WDR72: variants seen among roughly 807,000 people sequenced by gnomAD.
WDR72 encodes WD repeat domain 72, also known as WD repeat-containing protein 72.
WDR72 carries 120 observed loss-of-function variants against 124.2 expected under a neutral mutation model. The ratio of observed to expected loss-of-function variants is 0.97; its 90% confidence interval spans 0.83 to 1.12. The LOEUF (loss-of-function observed/expected upper bound fraction) is 1.12. Among genes scored for constraint, WDR72 ranks in the 50% most tolerant of loss-of-function variants. The probability of loss-of-function intolerance (pLI) is 0.00; values close to 1 mark genes in which losing one functional copy is unlikely to be tolerated. For synonymous variants in WDR72, 452 were observed against 441.7 expected, an observed-to-expected ratio of 1.02 and a Z score of -0.29; for missense variants, 1,387 against 1,278.8, an observed-to-expected ratio of 1.08 and a Z score of -1.29.
intron 14 of WDR72, 115 bp downstream of exon 14, chr15:53,665,456 AG>A: frequency 9.0e-7 from 1 of 1,105,572 alleles, no homozygotes; most frequent in East Asian, 2.5e-5. Context: ...TAGATGCAGC[AG>A]TCTCTTAGTT....
At chr15:53,755,566 G>A (rs1350449650) in intron 1 of WDR72, among the ~76,000 whole-genome samples, 22 of 152,230 alleles carry the variant, frequency 1.4e-4, no homozygotes, top group Admixed American at 1.4e-3. Flanking sequence ...TGTTTTAACA[G>A]TGGTTTGGGA....
intron 13 of WDR72, among the ~76,000 whole-genome samples, chr15:53,667,943 T>C (rs2015836231): frequency 6.6e-6 from 1 of 152,224 alleles, no homozygotes; most frequent in Admixed American, 6.5e-5. Context: ...TTTTCATTCA[T>C]ACACAGATAA....
At chr15:53,619,799 T>G (rs2013916537) in intron 14 of WDR72, among the ~76,000 whole-genome samples, 1 of 152,094 alleles carries the variant, frequency 6.6e-6, no homozygotes, top group African/African-American at 2.4e-5. Context: ...GCTTTTTACC[T>G]CTAAGAATTT....
Position 53,665,624 on chromosome 15 carries a change from T to C in WDR72, c.1910A>G (p.Tyr637Cys). 1 of 1,613,904 alleles carries C rather than the reference T, an allele frequency of 6.2e-7. No individual in the cohort carries two copies. Among genetic ancestry groups the C allele is most frequent in the East Asian group, 2.2e-5 (1 of 44,876 alleles). Reference sequence around the variant, plus strand: ...AGGGCAAGGTAATGGCCCAAGCTGGTAGGGGCTGGAGGATCTCTGTTCTAT... The same window carrying C: ...AGGGCAAGGTAATGGCCCAAGCTGGCAGGGGCTGGAGGATCTCTGTTCTAT... ...KSIEQRSSSP[Y>C]QLGPLPCPGL... is the part of the protein sequence containing the mutation. The change falls in exon 14 of 20, where the codon TAC becomes TGC. Residue 637 changes from tyrosine (Y) to cysteine (C), a missense_variant. Tyr to Cys is a radical substitution (Grantham distance 194, BLOSUM62 -2). Coordinates refer to ENST00000360509, the MANE Select transcript of WDR72 (RefSeq NM_182758.4).
chr15:53,602,026 A>G (rs879513466), intron 17 of WDR72, among the ~76,000 whole-genome samples: 1 of 152,160 alleles, frequency 6.6e-6, no homozygotes, highest in Non-Finnish European at 1.5e-5. Flanking sequence ...CCCAAAAACA[A>G]CAGATTATAC....
intron 18 of WDR72, among the ~76,000 whole-genome samples, chr15:53,585,508 C>T (rs1906432): frequency 2.0e-5 from 3 of 151,928 alleles, no homozygotes; most frequent in East Asian, 2.0e-4. Context: ...CATATAATTG[C>T]GCTATTGGGT....
At chr15:53,673,518 AAC>A (rs2016064325) in intron 13 of WDR72, among the ~76,000 whole-genome samples, 1 of 152,240 alleles carries the variant, frequency 6.6e-6, no homozygotes, top group South Asian at 2.1e-4. Flanking sequence ...TCCAAAGAAG[AAC>A]AGTGTAGAAA....
At chr15:53,681,055 G>T (rs1250028980) in intron 13 of WDR72, among the ~76,000 whole-genome samples, 1 of 152,204 alleles carries the variant, frequency 6.6e-6, no homozygotes, top group South Asian at 2.1e-4. Context: ...AAACACAAAA[G>T]ACCTTTCCCA....
intron 14 of WDR72, among the ~76,000 whole-genome samples, chr15:53,641,291 T>C (rs1340651807): frequency 6.6e-6 from 1 of 152,012 alleles, no homozygotes; most frequent in Non-Finnish European, 1.5e-5. Context: ...ATCTTTTTTT[T>C]CCCCATTTAT....
intron 3 of WDR72, among the ~76,000 whole-genome samples, chr15:53,721,523 G>A (rs2017876158): frequency 1.3e-5 from 2 of 152,048 alleles, no homozygotes; most frequent in Non-Finnish European, 2.9e-5. Context: ...AATGTATTAG[G>A]ACATTTCACT....
At chr15:53,623,554 A>C (rs2140381185) in intron 14 of WDR72, among the ~76,000 whole-genome samples, 1 of 152,098 alleles carries the variant, frequency 6.6e-6, no homozygotes, top group South Asian at 2.1e-4. Context: ...TATCCAATCC[A>C]TTGTTGATGC....
At chr15:53,744,195 G>C (rs1322291298) in intron 1 of WDR72, among the ~76,000 whole-genome samples, 3 of 152,146 alleles carry the variant, frequency 2.0e-5, no homozygotes, top group South Asian at 4.1e-4. Flanking sequence ...AATGAGCTAT[G>C]AAGAGTTTAT....
At chr15:53,532,330 A>G (rs1892527019) in intron 18 of WDR72, among the ~76,000 whole-genome samples, 1 of 152,146 alleles carries the variant, frequency 6.6e-6, no homozygotes, top group Admixed American at 6.6e-5. Context: ...TGTCAAAGGG[A>G]TATCTGTATT....
At chr15:53,725,197 T>C (rs1295784930) in intron 2 of WDR72, among the ~76,000 whole-genome samples, 1 of 151,796 alleles carries the variant, frequency 6.6e-6, no homozygotes, top group Non-Finnish European at 1.5e-5. Context: ...AGTGAACATA[T>C]AAAAAGGTGC....
At chr15:53,605,220 C>T (rs958346736) in intron 17 of WDR72, among the ~76,000 whole-genome samples, 2 of 152,156 alleles carry the variant, frequency 1.3e-5, no homozygotes, top group African/African-American at 4.8e-5. Flanking sequence ...CCATTATCCT[C>T]CAGTAAACTG....
At chr15:53,521,562 T>C (rs1467785005) in intron 19 of WDR72, among the ~76,000 whole-genome samples, 1 of 152,104 alleles carries the variant, frequency 6.6e-6, no homozygotes, top group East Asian at 1.9e-4. Context: ...TCAGCACCTA[T>C]ATTTTCTAAT....
chr15:53,624,404 C>T (rs963919304), intron 14 of WDR72, among the ~76,000 whole-genome samples: 14 of 152,228 alleles, frequency 9.2e-5, no homozygotes, highest in African/African-American at 3.1e-4. Flanking sequence ...GAGTTCTGCC[C>T]TCCTATGCAC....
intron 13 of WDR72, among the ~76,000 whole-genome samples, chr15:53,686,482 A>G (rs1293413202): frequency 6.6e-6 from 1 of 151,662 alleles, no homozygotes; most frequent in Non-Finnish European, 1.5e-5. Context: ...ACATAATGGT[A>G]AAGGGATCAA....
chr15:53,681,753 A>G (rs961897096), intron 13 of WDR72, among the ~76,000 whole-genome samples: 22 of 152,210 alleles, frequency 1.4e-4, no homozygotes, highest in African/African-American at 4.8e-4. Context: ...ACATCCTGCA[A>G]ATACCACAAT....
Sources: gnomAD v4.1 joint callset for allele counts (sites outside exome capture counted in the v4.1 genomes callset) on GRCh38, gnomAD v4.1.1 for gene constraint, MANE v1.5 for transcripts, NCBI Gene and HGNC (gene_info 2026-07-23, HGNC 2026-07-21) for gene names.